RHOT1: variants seen among roughly 807,000 people sequenced by gnomAD.
RHOT1 encodes the protein mitochondrial Rho GTPase 1.
Under a neutral mutation model 95.3 loss-of-function variants are expected in RHOT1, and 27 were observed. The ratio of observed to expected loss-of-function variants is 0.28; its 90% confidence interval spans 0.21 to 0.39. RHOT1 has a LOEUF of 0.39. Among genes scored for constraint, RHOT1 ranks in the 10% least tolerant of loss-of-function variants. RHOT1 has a pLI of 1.00. For missense variants in RHOT1, 578 were observed against 786.7 expected (o/e 0.73, Z 3.17); for synonymous variants, 227 against 263.5 (o/e 0.86, Z 1.34).
chr17:32,148,518 G>T (rs956286507), intron 1 of RHOT1, among the ~76,000 whole-genome samples: 3 of 150,590 alleles, frequency 2.0e-5, no homozygotes, highest in Non-Finnish European at 4.4e-5. Context: ...GTTTGAAGGA[G>T]AAGGATAGCT....
intron 16 of RHOT1, among the ~76,000 whole-genome samples, chr17:32,206,309 G>A (rs1026093825): frequency 2.1e-5 from 3 of 145,610 alleles, no homozygotes; most frequent in Middle Eastern, 3.5e-3. Context: ...AGGCTCAAGC[G>A]ATTCTCCTGC....
intron 6 of RHOT1, among the ~76,000 whole-genome samples, chr17:32,178,420 G>A (rs1227467046): frequency 6.6e-6 from 1 of 152,116 alleles, no homozygotes; most frequent in Non-Finnish European, 1.5e-5. Context: ...TCCAGCTCCT[G>A]GCCTCGGGTG....
chr17:32,143,175 C>T, intron 1 of RHOT1: 1 of 485,930 alleles, frequency 2.1e-6, no homozygotes, highest in Non-Finnish European at 4.2e-6. Flanking sequence ...AGCAGACTGA[C>T]CAATAGGGAT....
Position 32,224,886 on chromosome 17 carries a change from A to G in RHOT1, c.*153A>G. 2.0e-6 allele frequency: 1 copy of G among 511,720 alleles called. No homozygotes were observed. Among genetic ancestry groups the G allele is most frequent in the Non-Finnish European group, 3.5e-6 (1 of 285,640 alleles). 31.7% of individuals were successfully genotyped at this position (511,720 alleles called of 1,614,324 possible). A position where few individuals can be genotyped will look rare whatever the true frequency, so the allele number is the denominator to read the frequency against. ...GCATAAGAGTATTTTAATGATAGTT[A>G]TAACTGCAGTATTGGCTAGCATATG... On this transcript the variant is annotated 3_prime_UTR_variant, in exon 20 of 20. Transcript: ENST00000545287.
At chr17:32,142,768 C>A in intron 1 of RHOT1, 39 bp downstream of exon 1, 1 of 1,472,826 alleles carries the variant, frequency 6.8e-7, no homozygotes, top group Non-Finnish European at 9.0e-7. Flanking sequence ...GAGTCCCTGC[C>A]CTCCCTGCCC....
chr17:32,148,309 T>C (rs754285917), intron 1 of RHOT1, among the ~76,000 whole-genome samples: 1 of 152,208 alleles, frequency 6.6e-6, no homozygotes, highest in Non-Finnish European at 1.5e-5. Context: ...AAGTATTTAG[T>C]GCTTAGATAA....
At chr17:32,197,078 G>A (rs967879389) in intron 11 of RHOT1, among the ~76,000 whole-genome samples, 3 of 150,968 alleles carry the variant, frequency 2.0e-5, no homozygotes, top group African/African-American at 4.9e-5. Flanking sequence ...AGCCGAGATC[G>A]CACCATTGCA....
chr17:32,202,632 AC>A lies in RHOT1; in HGVS notation c.1202-137del, dbSNP rs2037406570. 3 of 625,744 alleles carry A rather than the reference AC, an allele frequency of 4.8e-6. No homozygotes were observed. In the South Asian group the frequency reaches 6.8e-5, roughly 14 times the overall value. The allele number at this position is 625,744 out of a possible 1,614,324, so 38.8% of individuals were successfully genotyped here. ...CATTCACATACAGCTTGACTGTTGT[AC>A]AATATGTTTGTTTATAGATCAGCTA... On this transcript the variant is annotated intron_variant, in intron 14 of 19. Transcript: ENST00000545287.
In RHOT1 at chr17:32,183,419, C is replaced by T. The variant is rs1401551608; in HGVS notation, c.540+147C>T. On this transcript the variant is annotated intron_variant, in intron 8 of 19. Transcript: ENST00000545287. ...TATTAAATGGTTACATTTTGGTACT[C>T]TTCTTCAATGACATTCACATTAAAT... The T allele has an allele frequency of 1.2e-5, 5 of 424,662 alleles. No individual in the cohort carries two copies. In the South Asian group the frequency reaches 5.6e-4, roughly 48 times the overall value. The allele number at this position is 424,662 out of a possible 1,614,324, so 26.3% of individuals were successfully genotyped here.
intron 1 of RHOT1, among the ~76,000 whole-genome samples, chr17:32,149,543 C>T (rs2031893365): frequency 1.1e-5 from 1 of 89,276 alleles, no homozygotes; most frequent in Non-Finnish European, 2.0e-5. Context: ...CCTGTAATCT[C>T]AGCACTTTGG....
chr17:32,212,398 T>C (rs2038192917), intron 19 of RHOT1, among the ~76,000 whole-genome samples: 1 of 152,196 alleles, frequency 6.6e-6, no homozygotes, highest in Admixed American at 6.5e-5. Flanking sequence ...ACCGCACCCA[T>C]TTGGTGGCAA....
At chr17:32,185,835 C>T (rs1223052314) in intron 8 of RHOT1, among the ~76,000 whole-genome samples, 2 of 151,848 alleles carry the variant, frequency 1.3e-5, no homozygotes, top group Non-Finnish European at 2.9e-5. Flanking sequence ...ATCCTCCCAC[C>T]TCAGCCTCCT....
intron 6 of RHOT1, among the ~76,000 whole-genome samples, chr17:32,182,058 A>G (rs1285483530): frequency 1.3e-5 from 2 of 152,164 alleles, no homozygotes; most frequent in Admixed American, 1.3e-4. Flanking sequence ...TGTCACCTTT[A>G]CATAGGGAGT....
intron 11 of RHOT1, among the ~76,000 whole-genome samples, chr17:32,194,989 C>A (rs541088564): frequency 3.3e-5 from 5 of 152,050 alleles, no homozygotes; most frequent in Admixed American, 2.0e-4. Flanking sequence ...CCATGCCCGG[C>A]TAATTTTTTG....
chr17:32,165,979 G>A (rs1481785995), intron 1 of RHOT1, among the ~76,000 whole-genome samples: 2 of 152,062 alleles, frequency 1.3e-5, no homozygotes, highest in South Asian at 2.1e-4. Context: ...GAGACCAGGA[G>A]TTTGAGACCT....
rs532482782 is a variant in RHOT1, at chr17:32,190,926, C to G, written c.541-1275C>G. ...TTCTCCTGCCTCAGCCTCCCAAGTA[C>G]TGGGACTACAGGCACATGCCACCAC... On this transcript the variant is annotated intron_variant, in intron 8 of 19. Coordinates refer to ENST00000545287, the MANE Select transcript of RHOT1 (RefSeq NM_001033566.3). Among the ~76,000 whole-genome samples, 9 of 152,164 alleles carry G rather than the reference C, an allele frequency of 5.9e-5. No individual in the cohort carries two copies. In the South Asian group the frequency reaches 1.9e-3, roughly 32 times the overall value.
At chr17:32,215,059 A>G (rs766569404) in intron 19 of RHOT1, among the ~76,000 whole-genome samples, 1 of 151,686 alleles carries the variant, frequency 6.6e-6, no homozygotes, top group Non-Finnish European at 1.5e-5. Context: ...GGCATGTGCC[A>G]CTTTGCCCGG....
chr17:32,206,530 C>T (rs550448060), intron 16 of RHOT1, among the ~76,000 whole-genome samples: 12 of 133,508 alleles, frequency 9.0e-5, no homozygotes, highest in East Asian at 4.4e-4. Flanking sequence ...CTGCTCACTG[C>T]GAGCTCCGCC....
chr17:32,166,684 T>C (rs1174395994), intron 1 of RHOT1, among the ~76,000 whole-genome samples: 1 of 152,248 alleles, frequency 6.6e-6, no homozygotes, highest in African/African-American at 2.4e-5. Context: ...CCACATTCTT[T>C]GCTCATCCAT....
Sources: gnomAD v4.1 joint callset for allele counts (sites outside exome capture counted in the v4.1 genomes callset) on GRCh38, gnomAD v4.1.1 for gene constraint, MANE v1.5 for transcripts, NCBI Gene and HGNC (gene_info 2026-07-23, HGNC 2026-07-21) for gene names.